The following LRRTM4 variants were observed in gnomAD, a reference collection of about 807,000 sequenced individuals.
LRRTM4 encodes leucine rich repeat transmembrane neuronal 4, also known as leucine-rich repeat transmembrane neuronal protein 4.
In LRRTM4, 25 loss-of-function variants were observed where a neutral mutation model predicts 47.6. The observed-to-expected ratio is 0.53, with a 90% CI of 0.38 to 0.73. The LOEUF is 0.73. Ranked by LOEUF, LRRTM4 falls within the 30% of genes least tolerant of loss-of-function variation. LRRTM4 has a pLI of 0.00. For synonymous variants in LRRTM4, 311 were observed against 269.5 expected, an observed-to-expected ratio of 1.15 and a Z score of -1.51; for missense variants, 638 against 713.4, an observed-to-expected ratio of 0.89 and a Z score of 1.20.
chr2:77,150,041 A>G (rs1176785), intron 3 of LRRTM4, among the ~76,000 whole-genome samples: 1 of 151,798 alleles, frequency 6.6e-6, no homozygotes, highest in African/African-American at 2.4e-5. Flanking sequence ...TTTCTAGCTG[A>G]CTCTTGGAAG....
chr2:76,751,298 T>C (rs564414047), intron 3 of LRRTM4, among the ~76,000 whole-genome samples: 41 of 152,324 alleles, frequency 2.7e-4, no homozygotes, highest in African/African-American at 8.7e-4. Flanking sequence ...TTCTGATTTG[T>C]TGTTGTTTTA....
intron 3 of LRRTM4, among the ~76,000 whole-genome samples, chr2:76,978,181 A>T (rs1459406015): frequency 6.6e-6 from 1 of 151,970 alleles, no homozygotes; most frequent in African/African-American, 2.4e-5. Flanking sequence ...TGGCCTACAA[A>T]CAGATTGCCT....
At chr2:77,076,178 T>A (rs180848149) in intron 3 of LRRTM4, among the ~76,000 whole-genome samples, 20 of 152,214 alleles carry the variant, frequency 1.3e-4, no homozygotes, top group Admixed American at 5.2e-4. Flanking sequence ...CCATCTAACA[T>A]AAATGGCTTG....
chr2:76,809,581 T>G (rs1302799451), intron 3 of LRRTM4, among the ~76,000 whole-genome samples: 1 of 152,196 alleles, frequency 6.6e-6, no homozygotes, highest in African/African-American at 2.4e-5. Context: ...GTCTTGTCTA[T>G]GAGAGCAATT....
At chr2:76,827,592 C>T (rs972645008) in intron 3 of LRRTM4, among the ~76,000 whole-genome samples, 14 of 151,776 alleles carry the variant, frequency 9.2e-5, no homozygotes, top group African/African-American at 3.4e-4. Flanking sequence ...TTATCTGATT[C>T]TGAGAATGTG....
chr2:77,041,467 G>A (rs1679031874), intron 3 of LRRTM4, among the ~76,000 whole-genome samples: 1 of 151,448 alleles, frequency 6.6e-6, no homozygotes, highest in African/African-American at 2.4e-5. Flanking sequence ...CAGTAGTTTT[G>A]AAATTTTAAG....
At chr2:77,395,809 A>C (rs1673678558) in intron 3 of LRRTM4, among the ~76,000 whole-genome samples, 1 of 151,918 alleles carries the variant, frequency 6.6e-6, no homozygotes, top group Non-Finnish European at 1.5e-5. Context: ...TATTTAAAAC[A>C]CTCAGAATAT....
At chr2:76,804,565 T>A (rs994777463) in intron 3 of LRRTM4, among the ~76,000 whole-genome samples, 1 of 150,992 alleles carries the variant, frequency 6.6e-6, no homozygotes, top group Non-Finnish European at 1.5e-5. Flanking sequence ...TAAAATATTT[T>A]ATCATTTCCA....
chr2:77,094,975 C>T (rs370915533), intron 3 of LRRTM4, among the ~76,000 whole-genome samples: 14 of 152,084 alleles, frequency 9.2e-5, no homozygotes, highest in East Asian at 7.7e-4. Context: ...AAACAATTAA[C>T]AGGGTGAAGA....
chr2:77,282,780 T>A lies in LRRTM4; in HGVS notation c.1551+235538A>T, dbSNP rs188616352. Among the ~76,000 whole-genome samples, 3 of 152,170 alleles carry A rather than the reference T, an allele frequency of 2.0e-5. No individual in the cohort carries two copies. In the East Asian group the frequency reaches 5.8e-4, roughly 29 times the overall value. ...AGTCAATAAATGGTGTTGAGATAGC[T>A]GGCTATCCATATATAGAAGAATGAA... On this transcript the variant is annotated intron_variant, in intron 3 of 3. Transcript: ENST00000409884.
At chr2:77,271,296 G>A (rs1164956504) in intron 3 of LRRTM4, among the ~76,000 whole-genome samples, 1 of 152,140 alleles carries the variant, frequency 6.6e-6, no homozygotes, top group African/African-American at 2.4e-5. Flanking sequence ...TGAGGCTAGG[G>A]GCCAACTAAG....
At chr2:76,920,027 T>A (rs1674384391) in intron 3 of LRRTM4, among the ~76,000 whole-genome samples, 2 of 152,142 alleles carry the variant, frequency 1.3e-5, no homozygotes, top group Admixed American at 1.3e-4. Flanking sequence ...CATGATAAAC[T>A]TTCAATAAAT....
chr2:77,181,155 T>C (rs1673337363), intron 3 of LRRTM4, among the ~76,000 whole-genome samples: 1 of 152,106 alleles, frequency 6.6e-6, no homozygotes, highest in Non-Finnish European at 1.5e-5. Context: ...CTGTAAACAA[T>C]ACTACAGGTA....
intron 3 of LRRTM4, among the ~76,000 whole-genome samples, chr2:77,105,656 T>A (rs1368764658): frequency 2.0e-5 from 3 of 151,938 alleles, no homozygotes; most frequent in Admixed American, 2.0e-4. Flanking sequence ...ACTTAAAGTA[T>A]AATAAAAAAA....
At chr2:77,379,943 C>T (rs989203262) in intron 3 of LRRTM4, among the ~76,000 whole-genome samples, 1 of 151,968 alleles carries the variant, frequency 6.6e-6, no homozygotes, top group Non-Finnish European at 1.5e-5. Flanking sequence ...TTTACAGTTT[C>T]ATAACAACAT....
At chr2:76,792,034 AGT>A (rs2103717725) in intron 3 of LRRTM4, among the ~76,000 whole-genome samples, 1 of 152,304 alleles carries the variant, frequency 6.6e-6, no homozygotes, top group South Asian at 2.1e-4. Flanking sequence ...TCAGAAAGAA[AGT>A]CAGCTCTTAT....
chr2:77,011,879 C>T (rs1326414867), intron 3 of LRRTM4, among the ~76,000 whole-genome samples: 4 of 151,854 alleles, frequency 2.6e-5, no homozygotes, highest in African/African-American at 9.7e-5. Context: ...TTTTATCGCT[C>T]TTAACCATTC....
chr2:77,082,463 T>C (rs757168495), intron 3 of LRRTM4, among the ~76,000 whole-genome samples: 1 of 152,124 alleles, frequency 6.6e-6, no homozygotes, highest in Non-Finnish European at 1.5e-5. Flanking sequence ...ACGTTTATGG[T>C]AAATTTGTAC....
At chr2:77,067,096 C>G (rs1679981616) in intron 3 of LRRTM4, among the ~76,000 whole-genome samples, 1 of 152,202 alleles carries the variant, frequency 6.6e-6, no homozygotes, top group South Asian at 2.1e-4. Context: ...GATAAGTCTA[C>G]TTCTGATTGC....
Sources: allele counts gnomAD v4.1 joint callset (sites outside exome capture counted in the v4.1 genomes callset), GRCh38; gene constraint gnomAD v4.1.1; transcripts MANE v1.5; gene names NCBI Gene and HGNC (gene_info 2026-07-23, HGNC 2026-07-21).